TBCD: variants seen among roughly 807,000 people sequenced by gnomAD.
TBCD encodes tubulin folding cofactor D, also known as tubulin-specific chaperone D.
A neutral mutation model predicts 169.3 loss-of-function variants in TBCD; 105 were observed. The ratio of observed to expected loss-of-function variants is 0.62; its 90% CI spans 0.53 to 0.73. The LOEUF (loss-of-function observed/expected upper bound fraction) is 0.73, where lower values mean the gene tolerates loss of function less well. TBCD is among the 30% of genes least tolerant of loss of function. The probability of loss-of-function intolerance (pLI) is 0.00; values close to 1 mark genes in which losing one functional copy is unlikely to be tolerated. For missense variants in TBCD, 1,444 were observed against 1,600.1 expected (o/e 0.90, Z 1.66); for synonymous variants, 700 against 643.9 (o/e 1.09, Z -1.32).
In TBCD at chr17:82,819,799, G is replaced by C. The variant is rs74002520; in HGVS notation, c.1318+4865G>C. On this transcript the variant is annotated intron_variant, in intron 13 of 38. Transcript: ENST00000355528. ...TCCAGGACTTTTCTTGAGTGGTCCT[G>C]GCGTAGGTCCTTTCACCTTTTTTGT... Among the ~76,000 whole-genome samples, 1,227 of 152,236 alleles carry C rather than the reference G, an allele frequency of 8.1e-3. 12 individuals are homozygous for C. Among genetic ancestry groups the C allele is most frequent in the African/African-American group, 0.027 (1,129 of 41,532 alleles).
intron 2 of TBCD, among the ~76,000 whole-genome samples, chr17:82,759,538 C>T (rs2047638496): frequency 6.6e-6 from 1 of 152,040 alleles, no homozygotes; most frequent in Non-Finnish European, 1.5e-5. Flanking sequence ...GTTCCTCAGG[C>T]TGGTCTCGAA....
chr17:82,794,281 G>T (rs2144562880), intron 7 of TBCD, among the ~76,000 whole-genome samples: 1 of 152,330 alleles, frequency 6.6e-6, no homozygotes, highest in South Asian at 2.1e-4. Flanking sequence ...CTCGCACGTT[G>T]CAGAGAAGCC....
rs1250289286 is a variant in TBCD, at chr17:82,923,958, G to A, written c.2260+225G>A. ...AGCTCTGAACAGGTGGCTCAGCAGG[G>A]ACGCGTCTCTGTTGACGGCACCCTC... On this transcript the variant is annotated intron_variant, in intron 26 of 38. Transcript: ENST00000355528. This position sits in a 1 kb window ranked among gnomAD's most constrained non-coding sequence, Gnocchi z 4.6. 6.6e-6 allele frequency among the ~76,000 whole-genome samples: 1 copy of A among 152,104 alleles called. No individual in the cohort carries two copies. Among genetic ancestry groups the A allele is most frequent in the Non-Finnish European group, 1.5e-5 (1 of 68,016 alleles).
At position 82,830,731 on chromosome 17, in the gene TBCD, T is replaced by C. The variant is rs753255953; in HGVS notation, c.1318+15797T>C. On this transcript the variant is annotated intron_variant, in intron 13 of 38. Coordinates refer to ENST00000355528, the MANE Select transcript of TBCD (RefSeq NM_005993.5). ...GGGGCTGCCTTGGTACGTGGGTTCGTGGGTGGCTGCCAGGTTTATCTCTGA... is the reference window on the plus strand; with the variant it reads ...GGGGCTGCCTTGGTACGTGGGTTCGCGGGTGGCTGCCAGGTTTATCTCTGA... 14 of 1,613,800 alleles carry C rather than the reference T, an allele frequency of 8.7e-6. 1 individual carries two copies. The South Asian group carries it at 1.5e-4, about 18-fold the overall frequency.
intron 7 of TBCD, among the ~76,000 whole-genome samples, chr17:82,788,660 T>C (rs1237012988): frequency 6.6e-6 from 1 of 152,052 alleles, no homozygotes; most frequent in Non-Finnish European, 1.5e-5. Flanking sequence ...TGAAGAGAGG[T>C]GCTGAAGCCA....
At position 82,930,330 on chromosome 17, in the gene TBCD, G is replaced by C; in HGVS notation, c.2992-192G>C. ...GAGCTGCCGTTGCCGAGAGCCTTGT[G>C]TCTGCTTCGGGTGTCTGCACTGTGA... On this transcript the variant is annotated intron_variant, in intron 32 of 38. Coordinates refer to ENST00000355528, the MANE Select transcript of TBCD (RefSeq NM_005993.5). The surrounding 1 kb of genome is among the most constrained non-coding windows in gnomAD (Gnocchi z 5.2). 1.4e-6 allele frequency: 1 copy of C among 713,388 alleles called. No individual in the cohort carries two copies. Among genetic ancestry groups the C allele is most frequent in the East Asian group, 2.9e-5 (1 of 34,704 alleles). The allele number at this position is 713,388 out of a possible 1,614,324, so 44.2% of individuals were successfully genotyped here.
chr17:82,930,364 G>A lies in TBCD; in HGVS notation c.2992-158G>A, dbSNP rs533862480. The A allele has an allele frequency of 2.7e-5, 29 of 1,070,190 alleles. No individual in the cohort carries two copies. The highest frequency in any genetic ancestry group is 3.1e-4 in the Middle Eastern group (1 of 3,180). 66.3% of individuals were successfully genotyped at this position (1,070,190 alleles called of 1,614,324 possible). ...GGGTGTCTGCACTGTGAGTGGCTCCGTGCTGGCGTCCGCACCAGCCGCTTG... is the reference window on the plus strand; with the variant it reads ...GGGTGTCTGCACTGTGAGTGGCTCCATGCTGGCGTCCGCACCAGCCGCTTG... On this transcript the variant is annotated intron_variant, in intron 32 of 38. Coordinates refer to ENST00000355528, the MANE Select transcript of TBCD (RefSeq NM_005993.5). This position sits in a 1 kb window ranked among gnomAD's most constrained non-coding sequence, Gnocchi z 5.2.
At chr17:82,780,260 C>T (rs1283756135) in intron 6 of TBCD, among the ~76,000 whole-genome samples, 1 of 152,210 alleles carries the variant, frequency 6.6e-6, no homozygotes, top group Non-Finnish European at 1.5e-5. Flanking sequence ...GGCTTCCGTC[C>T]TCTCTCTAAC....
At chr17:82,781,759 A>G (rs2048962309) in intron 7 of TBCD, 38 bp downstream of exon 7, 1 of 1,590,524 alleles carries the variant, frequency 6.3e-7, no homozygotes, top group Non-Finnish European at 8.6e-7. Flanking sequence ...GATCGCAGGG[A>G]AATGGCGCCT....
intron 16 of TBCD, among the ~76,000 whole-genome samples, chr17:82,891,372 T>C (rs564112798): frequency 1.1e-3 from 174 of 152,342 alleles, no homozygotes; most frequent in Non-Finnish European, 2.1e-3. Flanking sequence ...GCCTGAGCAG[T>C]GTGAGTCTCA....
In TBCD at chr17:82,930,786, A is replaced by G. The variant is rs2062131513; in HGVS notation, c.3113+143A>G. On this transcript the variant is annotated intron_variant, in intron 33 of 38. Transcript: ENST00000355528. This position sits in a 1 kb window ranked among gnomAD's most constrained non-coding sequence, Gnocchi z 5.2. ...CACACGCTGTACCAGTTGGTGGCTCAGCGAGGAAGATGTGCCTGCAGCATA... is the reference window on the plus strand; with the variant it reads ...CACACGCTGTACCAGTTGGTGGCTCGGCGAGGAAGATGTGCCTGCAGCATA... 3 of 1,347,094 alleles carry G rather than the reference A, an allele frequency of 2.2e-6. No homozygotes were observed. The highest frequency in any genetic ancestry group is 2.4e-5 in the East Asian group (1 of 41,448). 83.4% of individuals were successfully genotyped at this position (1,347,094 alleles called of 1,614,324 possible).
At chr17:82,781,362 G>C (rs904625097) in intron 6 of TBCD, among the ~76,000 whole-genome samples, 1 of 151,920 alleles carries the variant, frequency 6.6e-6, no homozygotes, top group Non-Finnish European at 1.5e-5. Flanking sequence ...GGTTGTGGTG[G>C]GGAACCGGCT....
In TBCD at chr17:82,855,290, T is replaced by A. The variant is rs2056177401; in HGVS notation, c.1319-14934T>A. ...TTTTTTTAATTTTTTAGAGCCAGGG[T>A]CACTCTGTTGCTCACGCTGGAGTGA... On this transcript the variant is annotated intron_variant, in intron 13 of 38. Transcript: ENST00000355528. 3.6e-5 allele frequency among the ~76,000 whole-genome samples: 5 copies of A among 137,964 alleles called. No individual in the cohort carries two copies. The South Asian group carries it at 1.3e-3, about 35-fold the overall frequency. The allele number at this position is 137,964 out of a possible 152,430, so 90.5% of individuals were successfully genotyped here.
At chr17:82,869,253 T>C (rs2057394302) in intron 13 of TBCD, among the ~76,000 whole-genome samples, 1 of 152,240 alleles carries the variant, frequency 6.6e-6, no homozygotes, top group East Asian at 1.9e-4. Context: ...AGTAAAACTT[T>C]AGCTTCTTGG....
At chr17:82,902,890 G>A (rs1246163775) in intron 18 of TBCD, among the ~76,000 whole-genome samples, 5 of 152,202 alleles carry the variant, frequency 3.3e-5, no homozygotes, top group African/African-American at 9.7e-5. Context: ...GGAAGGAGGG[G>A]TGGGCTCAGG....
rs577443114 is a variant in TBCD, at chr17:82,891,725, A to C, written c.1564-1822A>C. On this transcript the variant is annotated intron_variant, in intron 16 of 38. Transcript: ENST00000355528. ...GTGGAGGCCGCTGGGTAACAGCAGC[A>C]GGGATGGGGGGTGGTTGGGGAGCGG... is the stretch of plus-strand genomic sequence containing the variant. Among the ~76,000 whole-genome samples the C allele has an allele frequency of 4.8e-5, 7 of 145,386 alleles. No individual in the cohort carries two copies. In the South Asian group the frequency reaches 1.6e-3, roughly 32 times the overall value.
chr17:82,860,794 C>T (rs919826174), intron 13 of TBCD, among the ~76,000 whole-genome samples: 24 of 152,188 alleles, frequency 1.6e-4, no homozygotes, highest in African/African-American at 5.1e-4. Flanking sequence ...AGAAGCATGT[C>T]CATTTGTCCC....
chr17:82,848,578 G>T (rs1281093902), intron 13 of TBCD, among the ~76,000 whole-genome samples: 1 of 152,200 alleles, frequency 6.6e-6, no homozygotes, highest in Admixed American at 6.5e-5. Flanking sequence ...AGTTTATTCA[G>T]AGGGTGCCTC....
At position 82,782,514 on chromosome 17, in the gene TBCD, ATATATTT is replaced by A. The variant is rs1203386796; in HGVS notation, c.771+798_771+804del. On this transcript the variant is annotated intron_variant, in intron 7 of 38. Transcript: ENST00000355528. The surrounding 1 kb of genome is among the most constrained non-coding windows in gnomAD (Gnocchi z 5.1). ...GGGGCACTTTGTTCTTGTTTAAAAA[ATATATTT>A]TATAGAGACAGGGTCTTGCTATGTA... Among the ~76,000 whole-genome samples, 1 of 152,128 alleles carries A rather than the reference ATATATTT, an allele frequency of 6.6e-6. No individual in the cohort carries two copies. The highest frequency in any genetic ancestry group is 1.5e-5 in the Non-Finnish European group (1 of 68,030).
Sources: gnomAD v4.1 joint callset for allele counts (sites outside exome capture counted in the v4.1 genomes callset) on GRCh38, gnomAD v4.1.1 for gene constraint, Gnocchi (gnomAD v3.1) non-coding constraint, MANE v1.5 for transcripts, NCBI Gene and HGNC (gene_info 2026-07-23, HGNC 2026-07-21) for gene names.